Variants in PRKAR2B observed in about 807,000 individuals in gnomAD.
PRKAR2B encodes the protein protein kinase cAMP-dependent type II regulatory subunit beta, also known as cAMP-dependent protein kinase type II-beta regulatory subunit.
Under a neutral mutation model 49.9 loss-of-function variants are expected in PRKAR2B, and 14 were observed. That is an observed-to-expected ratio of 0.28 (90% CI 0.19 to 0.44). The LOEUF (loss-of-function observed/expected upper bound fraction) is 0.44, where lower values mean the gene tolerates loss of function less well. Ranked by LOEUF, PRKAR2B falls within the 20% of genes least tolerant of loss-of-function variation. The probability of loss-of-function intolerance (pLI) is 1.00; values close to 1 mark genes in which losing one functional copy is unlikely to be tolerated. For missense variants in PRKAR2B, 393 were observed against 537.9 expected (o/e 0.73, Z 2.67); for synonymous variants, 196 against 197.7 (o/e 0.99, Z 0.07).
intron 5 of PRKAR2B, among the ~76,000 whole-genome samples, chr7:107,145,135 G>T (rs950192336): frequency 2.0e-5 from 3 of 152,054 alleles, no homozygotes; most frequent in Non-Finnish European, 2.9e-5. Context: ...TTTAGAATGG[G>T]GGTTGATCTA....
intron 2 of PRKAR2B, among the ~76,000 whole-genome samples, chr7:107,114,245 G>A (rs958121522): frequency 1.3e-5 from 2 of 150,496 alleles, no homozygotes; most frequent in Non-Finnish European, 3.0e-5. Flanking sequence ...ATAGGGTATT[G>A]TTTTTCCTTT....
chr7:107,124,668 C>T (rs762548754), intron 3 of PRKAR2B, among the ~76,000 whole-genome samples: 1 of 152,198 alleles, frequency 6.6e-6, no homozygotes, highest in Non-Finnish European at 1.5e-5. Context: ...GATCCACTCA[C>T]CTTGGCCTCC....
chr7:107,155,638 AT>A (rs138997343), intron 8 of PRKAR2B, among the ~76,000 whole-genome samples: 9,669 of 145,990 alleles, frequency 0.066, 384 homozygotes, highest in Non-Finnish European at 0.098. Flanking sequence ...TCTTTTTTTC[AT>A]TTTTTTTTTG....
intron 7 of PRKAR2B, among the ~76,000 whole-genome samples, chr7:107,152,609 A>G (rs528564471): frequency 3.9e-5 from 6 of 152,342 alleles, no homozygotes; most frequent in Non-Finnish European, 7.3e-5. Context: ...GTATTTTGAG[A>G]GTAATTAAAG....
chr7:107,086,210 G>T (rs1351970916), intron 2 of PRKAR2B, among the ~76,000 whole-genome samples: 2 of 152,034 alleles, frequency 1.3e-5, no homozygotes, highest in Non-Finnish European at 2.9e-5. Context: ...TAAGTGTACA[G>T]ATCTGAGGTT....
chr7:107,126,444 G>T (rs959372175), intron 3 of PRKAR2B, among the ~76,000 whole-genome samples: 1 of 121,084 alleles, frequency 8.3e-6, no homozygotes, highest in African/African-American at 3.3e-5. Context: ...AAAAAAAAAA[G>T]TCGTCATTGG....
chr7:107,063,699 C>T (rs183883508), intron 1 of PRKAR2B, among the ~76,000 whole-genome samples: 4 of 152,252 alleles, frequency 2.6e-5, no homozygotes, highest in Admixed American at 2.0e-4. Flanking sequence ...TAACCGTACT[C>T]TTATTAGTAG....
At chr7:107,089,859 G>A (rs1197940674) in intron 2 of PRKAR2B, among the ~76,000 whole-genome samples, 4 of 152,184 alleles carry the variant, frequency 2.6e-5, no homozygotes, top group African/African-American at 9.6e-5. Flanking sequence ...AACCACACAT[G>A]ATCCCTGAGT....
chr7:107,141,610 T>C (rs544760975), intron 5 of PRKAR2B, among the ~76,000 whole-genome samples: 1 of 152,300 alleles, frequency 6.6e-6, no homozygotes, highest in East Asian at 1.9e-4. Flanking sequence ...GAGAATTGCT[T>C]GAACCCGGCA....
intron 2 of PRKAR2B, among the ~76,000 whole-genome samples, chr7:107,099,065 T>G (rs1325915173): frequency 6.6e-6 from 1 of 152,216 alleles, no homozygotes; most frequent in Non-Finnish European, 1.5e-5. Flanking sequence ...GACATTTAAG[T>G]CTGCAGAAGT....
rs1299048158 is a variant in PRKAR2B, at chr7:107,151,597, G to A, written c.843+574G>A. On this transcript the variant is annotated intron_variant, in intron 7 of 10. Transcript: ENST00000265717. ...GTTGAAAATATCATAAATAGAAAAT[G>A]TATTTAATACACCTAAACTATGGAA... Among the ~76,000 whole-genome samples, 3 of 152,204 alleles carry A rather than the reference G, an allele frequency of 2.0e-5. No individual in the cohort carries two copies. The East Asian group carries it at 5.8e-4, about 29-fold the overall frequency.
At chr7:107,093,720 T>G (rs7790497) in intron 2 of PRKAR2B, among the ~76,000 whole-genome samples, 67,397 of 147,132 alleles carry the variant, frequency 0.46, 16,139 homozygotes, top group Admixed American at 0.52. Context: ...GTCCAAGTGT[T>G]CTCATTGTTC....
At chr7:107,119,133 A>G (rs1473489810) in intron 2 of PRKAR2B, among the ~76,000 whole-genome samples, 1 of 152,234 alleles carries the variant, frequency 6.6e-6, no homozygotes, top group African/African-American at 2.4e-5. Context: ...CTTAGGGGCT[A>G]GGCACTTAGA....
chr7:107,099,107 T>C (rs1317951591), intron 2 of PRKAR2B, among the ~76,000 whole-genome samples: 1 of 152,238 alleles, frequency 6.6e-6, no homozygotes, highest in East Asian at 1.9e-4. Context: ...TATGCCCTGC[T>C]GCCAGAGGTG....
At chr7:107,098,912 T>G (rs759441989) in intron 2 of PRKAR2B, among the ~76,000 whole-genome samples, 18 of 152,154 alleles carry the variant, frequency 1.2e-4, no homozygotes, top group Non-Finnish European at 2.6e-4. Flanking sequence ...CTGTATGAGG[T>G]GTCAGTTGGC....
intron 2 of PRKAR2B, among the ~76,000 whole-genome samples, chr7:107,104,251 C>G (rs919699459): frequency 6.6e-6 from 1 of 152,020 alleles, no homozygotes; most frequent in Non-Finnish European, 1.5e-5. Context: ...TCCAGGCTGG[C>G]CTCGAACTCC....
intron 2 of PRKAR2B, among the ~76,000 whole-genome samples, chr7:107,084,147 T>G (rs1794568023): frequency 2.0e-5 from 3 of 152,218 alleles, no homozygotes; most frequent in African/African-American, 7.2e-5. Flanking sequence ...TGTTAGGCAA[T>G]TTGTAGTACC....
intron 2 of PRKAR2B, among the ~76,000 whole-genome samples, chr7:107,100,967 A>G (rs1453005155): frequency 1.3e-5 from 2 of 152,064 alleles, no homozygotes; most frequent in African/African-American, 4.8e-5. Context: ...GCTAAGTCTA[A>G]CAACTGGCCC....
chr7:107,060,674 C>A (rs1794011898), intron 1 of PRKAR2B, among the ~76,000 whole-genome samples: 2 of 145,730 alleles, frequency 1.4e-5, no homozygotes, highest in Non-Finnish European at 3.0e-5. Flanking sequence ...GGCTACCAAC[C>A]CTATGTTGGC....
Sources: gnomAD v4.1 joint callset for allele counts (sites outside exome capture counted in the v4.1 genomes callset) on GRCh38, gnomAD v4.1.1 for gene constraint, MANE v1.5 for transcripts, NCBI Gene and HGNC (gene_info 2026-07-23, HGNC 2026-07-21) for gene names.